KLF15: variants seen among roughly 807,000 people sequenced by gnomAD.
The protein encoded by KLF15 is KLF transcription factor 15.
Under a neutral mutation model 24.6 loss-of-function variants are expected in KLF15, and 4 were observed. The ratio of observed to expected loss-of-function variants is 0.16; its 90% CI spans 0.08 to 0.37. KLF15 has a LOEUF of 0.37. Ranked by LOEUF, KLF15 falls within the 10% of genes least tolerant of loss-of-function variation. The probability of loss-of-function intolerance (pLI) is 1.00; values close to 1 mark genes in which losing one functional copy is unlikely to be tolerated. For synonymous variants in KLF15, 246 were observed against 236.3 expected (o/e 1.04, Z -0.37); for missense variants, 496 against 560.6 (o/e 0.88, Z 1.16).
At chr3:126,353,166 AG>A (rs2082601511) in intron 1 of KLF15, among the ~76,000 whole-genome samples, 1 of 152,244 alleles carries the variant, frequency 6.6e-6, no homozygotes, top group Admixed American at 6.5e-5. Context: ...TTGCATAACC[AG>A]GGGCACTTCT....
the KLF15 span, among the ~76,000 whole-genome samples, chr3:126,323,501 T>G: frequency 1.1e-5 from 1 of 88,026 alleles, no homozygotes; most frequent in Non-Finnish European, 2.3e-5. Context: ...TATATATATA[T>G]AACTACTATA....
At chr3:126,353,049 A>T (rs1425332593) in intron 1 of KLF15, 102 bp from the exon 2 acceptor site, 8 of 1,320,554 alleles carry the variant, frequency 6.1e-6, no homozygotes, top group Non-Finnish European at 8.1e-6. Flanking sequence ...ACAGCCTCCT[A>T]TTGCCAAACG....
intron 1 of KLF15, 140 bp from the exon 2 acceptor site, chr3:126,353,087 G>C: frequency 1.0e-6 from 1 of 1,000,608 alleles, no homozygotes; most frequent in Non-Finnish European, 1.4e-6. Context: ...TCCCCCAGGA[G>C]AGCTGTGCCT....
chr3:126,300,634 C>T, the KLF15 span, among the ~76,000 whole-genome samples: 1 of 152,340 alleles, frequency 6.6e-6, no homozygotes, highest in South Asian at 2.1e-4. Flanking sequence ...ACCAGAGCCC[C>T]AGGTTCTGAG....
chr3:126,316,393 C>A, the KLF15 span, among the ~76,000 whole-genome samples: 2 of 64,700 alleles, frequency 3.1e-5, no homozygotes, highest in East Asian at 7.5e-4. Context: ...CCGGCTGGAG[C>A]AGCGCTGGGC....
At chr3:126,300,787 C>T in the KLF15 span, among the ~76,000 whole-genome samples, 1 of 152,188 alleles carries the variant, frequency 6.6e-6, no homozygotes, top group Non-Finnish European at 1.5e-5. Context: ...ATTAGTGGGG[C>T]CAGTGGGTCT....
chr3:126,333,790 G>A, the KLF15 span, among the ~76,000 whole-genome samples: 1 of 132,942 alleles, frequency 7.5e-6, no homozygotes, highest in African/African-American at 2.9e-5. Flanking sequence ...TGATAAAACA[G>A]ACTTTAAACC....
intron 1 of KLF15, among the ~76,000 whole-genome samples, chr3:126,355,352 G>A (rs934844250): frequency 6.6e-6 from 1 of 152,224 alleles, no homozygotes; most frequent in African/African-American, 2.4e-5. Flanking sequence ...CAGCAGCCCA[G>A]CACCTGGGCC....
At chr3:126,301,707 G>A in the KLF15 span, among the ~76,000 whole-genome samples, 6 of 147,982 alleles carry the variant, frequency 4.1e-5, no homozygotes, top group African/African-American at 9.9e-5. Context: ...CTCTGCCCCC[G>A]GGGTTCAAGC....
intron 1 of KLF15, among the ~76,000 whole-genome samples, chr3:126,355,501 C>T (rs982022976): frequency 3.3e-5 from 5 of 152,188 alleles, no homozygotes; most frequent in Non-Finnish European, 7.3e-5. Context: ...AGTTAGATCT[C>T]GGCTCAGAAG....
the KLF15 span, among the ~76,000 whole-genome samples, chr3:126,323,403 T>TTATATATATATA: frequency 5.9e-5 from 3 of 50,832 alleles, no homozygotes; most frequent in African/African-American, 2.9e-4. Flanking sequence ...GCCCCAGTAG[T>TTATATATATATA]TATATATATA....
chr3:126,322,260 A>T, the KLF15 span, among the ~76,000 whole-genome samples: 4 of 152,102 alleles, frequency 2.6e-5, no homozygotes, highest in Admixed American at 2.0e-4. Flanking sequence ...TTATTTTCTT[A>T]CAGTTCTGGA....
the KLF15 span, among the ~76,000 whole-genome samples, chr3:126,312,566 C>G: frequency 6.6e-6 from 1 of 152,228 alleles, no homozygotes; most frequent in Non-Finnish European, 1.5e-5. Context: ...GGGGGCCCGC[C>G]TGGCACCCAG....
the KLF15 span, among the ~76,000 whole-genome samples, chr3:126,326,978 C>A: frequency 1.3e-5 from 2 of 152,164 alleles, no homozygotes; most frequent in African/African-American, 4.8e-5. Context: ...GCCTCCCCGA[C>A]ACATCACATA....
chr3:126,329,731 T>G, the KLF15 span, among the ~76,000 whole-genome samples: 1 of 145,764 alleles, frequency 6.9e-6, no homozygotes, highest in South Asian at 2.2e-4. Flanking sequence ...GAAATTGGGA[T>G]CTTTACAATA....
the KLF15 span, among the ~76,000 whole-genome samples, chr3:126,327,816 G>A: frequency 1.3e-5 from 2 of 152,184 alleles, no homozygotes; most frequent in African/African-American, 4.8e-5. Context: ...TTCTTCATTG[G>A]AAAATGTTTA....
the KLF15 span, among the ~76,000 whole-genome samples, chr3:126,294,558 G>C: frequency 6.6e-6 from 1 of 152,184 alleles, no homozygotes; most frequent in Non-Finnish European, 1.5e-5. Flanking sequence ...GCAGGAGGAA[G>C]AGCAAGGCCT....
chr3:126,343,177 C>T lies in KLF15; in HGVS notation c.*550G>A, dbSNP rs1026877334. The T allele has an allele frequency of 1.7e-5, 1 of 59,420 alleles. No homozygotes were observed. 3.7% of individuals were successfully genotyped at this position (59,420 alleles called of 1,614,324 possible). ...GCCCCCCCCCCCCCCCCCCCCCCCC[C>T]CCGGCTCCAGGGACCTGCCCACACC... On this transcript the variant is annotated 3_prime_UTR_variant, in exon 3 of 3. Coordinates refer to ENST00000296233, the MANE Select transcript of KLF15 (RefSeq NM_014079.4).
In KLF15 at chr3:126,352,080, A is replaced by T; in HGVS notation, c.843T>A (p.Ile281=). 6.5e-7 allele frequency: 1 copy of T among 1,542,464 alleles called. No homozygotes were observed. The highest frequency in any genetic ancestry group is 1.4e-5 in the African/African-American group (1 of 73,396). The change falls in exon 2 of 3, where the codon ATT becomes ATA. Residue 281 remains isoleucine, a synonymous_variant. Coordinates refer to ENST00000296233, the MANE Select transcript of KLF15 (RefSeq NM_014079.4). ...NLNLPSKFVR[I]APVPIAAKPV... is the part of the protein sequence containing the mutation. ...GCTTGGCGGCAATGGGCACAGGGGC[A>T]ATGCGCACAAACTTGGAGGGCAGGT...
Sources: gnomAD v4.1 joint callset for allele counts (sites outside exome capture counted in the v4.1 genomes callset) on GRCh38, gnomAD v4.1.1 for gene constraint, MANE v1.5 for transcripts, NCBI Gene and HGNC (gene_info 2026-07-23, HGNC 2026-07-21) for gene names.